NECAB2: variants seen among roughly 807,000 people sequenced by gnomAD.
NECAB2 encodes N-terminal EF-hand calcium binding protein 2.
Under a neutral mutation model 51.9 loss-of-function variants are expected in NECAB2, and 68 were observed. The observed-to-expected ratio is 1.31, with a 90% CI of 1.08 to 1.60. NECAB2 has a LOEUF of 1.60. Ranked by LOEUF, NECAB2 falls within the 40% of genes most tolerant of loss-of-function variation. The pLI, the probability that NECAB2 is intolerant of heterozygous loss-of-function variation, is 0.00. For missense variants in NECAB2, 854 were observed against 490.3 expected (o/e 1.74, Z -7.00); for synonymous variants, 329 against 203.5 (o/e 1.62, Z -5.25).
At chr16:83,985,273 A>G (rs2084538222) in intron 5 of NECAB2, among the ~76,000 whole-genome samples, 1 of 123,646 alleles carries the variant, frequency 8.1e-6, no homozygotes, top group Non-Finnish European at 1.6e-5. Flanking sequence ...AGACTGCGCC[A>G]TTGCACTCCA....
At chr16:83,970,504 C>T (rs1365496359) in intron 1 of NECAB2, among the ~76,000 whole-genome samples, 1 of 152,132 alleles carries the variant, frequency 6.6e-6, no homozygotes, top group Non-Finnish European at 1.5e-5. Flanking sequence ...GTGCTTCAGT[C>T]TCACCGCCCA....
At chr16:84,000,198 A>G (rs1049282775) in intron 10 of NECAB2, among the ~76,000 whole-genome samples, 1 of 152,190 alleles carries the variant, frequency 6.6e-6, no homozygotes, top group African/African-American at 2.4e-5. Flanking sequence ...CATCACATCC[A>G]GCCACCTGGT....
intron 10 of NECAB2, among the ~76,000 whole-genome samples, chr16:83,998,931 G>A (rs1210828160): frequency 3.3e-5 from 5 of 152,204 alleles, no homozygotes; most frequent in Admixed American, 6.5e-5. Flanking sequence ...AGTGGAGGGG[G>A]TTGCAGAAGA....
At chr16:83,973,992 G>T in intron 2 of NECAB2, among the ~76,000 whole-genome samples, 1 of 152,050 alleles carries the variant, frequency 6.6e-6, no homozygotes, top group East Asian at 1.9e-4. Flanking sequence ...GCACAGATGG[G>T]GTTCTGTCCT....
intron 2 of NECAB2, among the ~76,000 whole-genome samples, chr16:83,978,242 G>A (rs1217418260): frequency 6.6e-6 from 1 of 152,182 alleles, no homozygotes; most frequent in African/African-American, 2.4e-5. Flanking sequence ...TGGTTAGTGT[G>A]GGAATTAGCT....
chr16:83,982,198 C>T (rs1024296250), intron 5 of NECAB2, among the ~76,000 whole-genome samples: 1 of 152,100 alleles, frequency 6.6e-6, no homozygotes, highest in African/African-American at 2.4e-5. Flanking sequence ...GCAATTTTCC[C>T]ATGCTTCTCA....
chr16:84,000,956 C>A (rs531310411), intron 11 of NECAB2, among the ~76,000 whole-genome samples, 155 bp downstream of exon 11: 1 of 123,948 alleles, frequency 8.1e-6, no homozygotes, highest in Non-Finnish European at 1.5e-5. Context: ...CGTCAGTAAA[C>A]CCTGGTGGAG....
rs1048281803 is a variant in NECAB2 at position 84,000,739 on chromosome 16, G to A, written c.978G>A (p.Arg326=). The change falls in exon 11 of 13, where the codon AGG becomes AGA. Residue 326 remains arginine (R), a synonymous_variant. Coordinates refer to ENST00000305202, the MANE Select transcript of NECAB2 (RefSeq NM_019065.3). ...VRNCFHITAV[R]LSDGFTFVIY... ...CCTGTTGCAGCATCACTGCCGTGAGGCTCTCAGATGGCTTCACCTTTGTCA... is the reference window on the plus strand; with the variant it reads ...CCTGTTGCAGCATCACTGCCGTGAGACTCTCAGATGGCTTCACCTTTGTCA... 1.9e-6 allele frequency: 3 copies of A among 1,613,824 alleles called. No homozygotes were observed. Among genetic ancestry groups the A allele is most frequent in the Non-Finnish European group, 2.5e-6 (3 of 1,179,944 alleles).
chr16:83,977,532 C>T (rs9674182), intron 2 of NECAB2, among the ~76,000 whole-genome samples: 39,638 of 151,900 alleles, frequency 0.26, 9,240 homozygotes, highest in African/African-American at 0.63. Flanking sequence ...AAAGGTGAGG[C>T]GATGGGTGGG....
intron 5 of NECAB2, among the ~76,000 whole-genome samples, chr16:83,985,572 G>C (rs1422625455): frequency 1.3e-5 from 2 of 151,638 alleles, no homozygotes; most frequent in Non-Finnish European, 2.9e-5. Context: ...GGTGGAGGTT[G>C]CAGTGAGCCG....
At chr16:84,002,048 C>A (rs1261120982) in intron 12 of NECAB2, 132 bp downstream of exon 12, 26 of 1,142,462 alleles carry the variant, frequency 2.3e-5, no homozygotes, top group South Asian at 1.2e-4. Flanking sequence ...GCCACCAATG[C>A]CAGGCTCAGA....
intron 5 of NECAB2, among the ~76,000 whole-genome samples, chr16:83,984,042 C>G (rs1338027210): frequency 6.9e-6 from 1 of 144,834 alleles, no homozygotes; most frequent in Non-Finnish European, 1.5e-5. Flanking sequence ...GTCATCCAGG[C>G]TGGAGTGCAG....
chr16:83,980,572 C>T (rs1184404157), intron 3 of NECAB2, among the ~76,000 whole-genome samples: 1 of 152,106 alleles, frequency 6.6e-6, no homozygotes, highest in South Asian at 2.1e-4. Context: ...CTTGGCCCTC[C>T]CCTTGGTGTC....
chr16:83,974,282 C>A (rs1330500321), intron 2 of NECAB2, among the ~76,000 whole-genome samples: 3 of 152,170 alleles, frequency 2.0e-5, no homozygotes, highest in Admixed American at 6.5e-5. Flanking sequence ...TCAGGCAAGT[C>A]ACCAAATTCT....
intron 9 of NECAB2, among the ~76,000 whole-genome samples, 161 bp downstream of exon 9, chr16:83,997,430 C>G (rs2084725223): frequency 6.8e-6 from 1 of 148,102 alleles, no homozygotes; most frequent in African/African-American, 2.5e-5. Context: ...TGCCCTGGCA[C>G]AGGAGCCACC....
At chr16:83,973,652 T>C in intron 2 of NECAB2, among the ~76,000 whole-genome samples, 1 of 152,126 alleles carries the variant, frequency 6.6e-6, no homozygotes, top group Non-Finnish European at 1.5e-5. Flanking sequence ...TCATTGCCTG[T>C]GTGCTGGCCT....
chr16:84,002,449 A>G lies in NECAB2; in HGVS notation c.*103A>G. ...CACTTTGGTGCAGAAGCTTCTTTTC[A>G]ATCCATCCTCCACAAGAAGGTGTTT... On this transcript the variant is annotated 3_prime_UTR_variant, in exon 13 of 13. Coordinates refer to ENST00000305202, the MANE Select transcript of NECAB2 (RefSeq NM_019065.3). 7.0e-7 allele frequency: 1 copy of G among 1,426,852 alleles called. No individual in the cohort carries two copies. The highest frequency in any genetic ancestry group is 9.8e-7 in the Non-Finnish European group (1 of 1,017,392). 88.4% of individuals were successfully genotyped at this position (1,426,852 alleles called of 1,614,324 possible).
In NECAB2 at chr16:83,980,897, G is replaced by C. The variant is rs1254335312; in HGVS notation, c.361+33G>C. 6.8e-6 allele frequency: 11 copies of C among 1,613,526 alleles called. No homozygotes were observed. In the Admixed American group the frequency reaches 1.0e-4, roughly 15 times the overall value. ...CCTGGCTATGCTGGGACCAAGATGG[G>C]GATGCTGGGATGGGGCTGGATGAGA... On this transcript the variant is annotated intron_variant, in intron 4 of 12. Coordinates refer to ENST00000305202, the MANE Select transcript of NECAB2 (RefSeq NM_019065.3).
At chr16:83,972,289 C>A in intron 2 of NECAB2, 114 bp downstream of exon 2, 1 of 1,487,214 alleles carries the variant, frequency 6.7e-7, no homozygotes, top group Non-Finnish European at 9.3e-7. Context: ...GTTTGGAGTG[C>A]AGGGGTCTGA....
Sources: allele counts gnomAD v4.1 joint callset (sites outside exome capture counted in the v4.1 genomes callset), GRCh38; gene constraint gnomAD v4.1.1; transcripts MANE v1.5; gene names NCBI Gene and HGNC (gene_info 2026-07-23, HGNC 2026-07-21).